MALSU1: variants seen among roughly 807,000 people sequenced by gnomAD.
MALSU1 encodes the protein mitochondrial assembly of ribosomal large subunit 1.
Under a neutral mutation model 22.1 loss-of-function variants are expected in MALSU1, and 22 were observed. The ratio of observed to expected loss-of-function variants is 1.00; its 90% CI spans 0.71 to 1.42. MALSU1 has a LOEUF of 1.42. Among genes scored for constraint, MALSU1 ranks in the 40% most tolerant of loss-of-function variants. The probability of loss-of-function intolerance (pLI) is 0.00; values close to 1 mark genes in which losing one functional copy is unlikely to be tolerated. For missense variants in MALSU1, 379 were observed against 308.3 expected (o/e 1.23, Z -1.72); for synonymous variants, 153 against 118.5 (o/e 1.29, Z -1.89).
Position 23,309,487 on chromosome 7 carries a change from C to G in MALSU1, c.649C>G (p.Leu217Val). 1 of 1,612,760 alleles carries G rather than the reference C, an allele frequency of 6.2e-7. No homozygotes were observed. ...TGAGACAGTACCTGAAGACTTCATT[C>G]TTGGAATAGAAGATGATACTTCATC... ...APETVPEDFI[L>V]GIEDDTSSVT... The change falls in exon 4 of 4, where the codon CTT (leucine) becomes GTT (valine). Residue 217 changes from leucine to valine, a missense_variant. Leu to Val is a conservative substitution (Grantham distance 32). Coordinates refer to ENST00000466681, the MANE Select transcript of MALSU1 (RefSeq NM_138446.2).
At chr7:23,299,738 C>G in intron 1 of MALSU1, 130 bp downstream of exon 1, 1 of 1,086,340 alleles carries the variant, frequency 9.2e-7, no homozygotes, top group Non-Finnish European at 1.3e-6. Flanking sequence ...ACATCCAGAG[C>G]TGGAAGGGAC....
At position 23,310,724 on chromosome 7, in the gene MALSU1, A is replaced by C. The variant is rs1374234705; in HGVS notation, c.*1181A>C. 1 of 152,236 alleles carries C rather than the reference A, an allele frequency of 6.6e-6. No individual in the cohort carries two copies. The allele number at this position is 152,236 out of a possible 1,614,324, so 9.4% of individuals were successfully genotyped here. On this transcript the variant is annotated 3_prime_UTR_variant, in exon 4 of 4. Transcript: ENST00000466681. ...ACTTTAAATCATTTTCAAAATGTCT[A>C]ATTGATCTTCAGAAAAACATCTAGT...
In MALSU1 at chr7:23,300,174, A is replaced by G. The variant is rs554507611; in HGVS notation, c.256+566A>G. Among the ~76,000 whole-genome samples the G allele has an allele frequency of 7.9e-5, 12 of 152,296 alleles. No individual in the cohort carries two copies. The South Asian group carries it at 1.2e-3, about 16-fold the overall frequency. ...CGAGCTTTTAAATTTACAGCCTGTA[A>G]TACTCCAAGCTGAAGATCAGAATAT... On this transcript the variant is annotated intron_variant, in intron 1 of 3. Coordinates refer to ENST00000466681, the MANE Select transcript of MALSU1 (RefSeq NM_138446.2).
intron 1 of MALSU1, 80 bp downstream of exon 1, chr7:23,299,688 C>T (rs1477784592): frequency 6.9e-6 from 10 of 1,444,122 alleles, no homozygotes; most frequent in Non-Finnish European, 9.3e-6. Flanking sequence ...CTCTGGGTTC[C>T]CCTCTATGTG....
In MALSU1 at chr7:23,309,622, T is replaced by C. The variant is rs537757141; in HGVS notation, c.*79T>C. 1.7e-6 allele frequency: 2 copies of C among 1,198,524 alleles called. No individual in the cohort carries two copies. Among genetic ancestry groups the C allele is most frequent in the South Asian group, 3.1e-5 (2 of 64,560 alleles). The allele number at this position is 1,198,524 out of a possible 1,614,324, so 74.2% of individuals were successfully genotyped here. On this transcript the variant is annotated 3_prime_UTR_variant, in exon 4 of 4. Coordinates refer to ENST00000466681, the MANE Select transcript of MALSU1 (RefSeq NM_138446.2). ...GAAAATACAGCTCCTAAAGTCCGTC[T>C]CCTTGGTTAGGCTGCTCTTAGGACA...
At chr7:23,307,709 A>C in intron 2 of MALSU1, 159 bp from the exon 3 acceptor site, 1 of 567,858 alleles carries the variant, frequency 1.8e-6, no homozygotes, top group South Asian at 2.4e-5. Flanking sequence ...AGGGAGAAAT[A>C]GTTTCCCTAA....
At chr7:23,309,138 T>C (rs962466502) in intron 3 of MALSU1, among the ~76,000 whole-genome samples, 1 of 152,174 alleles carries the variant, frequency 6.6e-6, no homozygotes, top group African/African-American at 2.4e-5. Context: ...TCACCAGCAA[T>C]GTTATATATT....
At chr7:23,304,683 G>C (rs189339932) in intron 2 of MALSU1, among the ~76,000 whole-genome samples, 1 of 152,080 alleles carries the variant, frequency 6.6e-6, no homozygotes, top group South Asian at 2.1e-4. Context: ...AAAGTAGAAT[G>C]GTAGGAGTTA....
At chr7:23,306,441 T>A (rs549829942) in intron 2 of MALSU1, among the ~76,000 whole-genome samples, 46 of 151,978 alleles carry the variant, frequency 3.0e-4, no homozygotes, top group African/African-American at 9.9e-4. Context: ...TTTTTTTTTT[T>A]ATTGACGAAT....
chr7:23,309,633 G>T lies in MALSU1; in HGVS notation c.*90G>T. On this transcript the variant is annotated 3_prime_UTR_variant, in exon 4 of 4. Coordinates refer to ENST00000466681, the MANE Select transcript of MALSU1 (RefSeq NM_138446.2). ...TCCTAAAGTCCGTCTCCTTGGTTAG[G>T]CTGCTCTTAGGACAAGGCTTGTGTA... The T allele has an allele frequency of 2.8e-6, 3 of 1,061,784 alleles. No homozygotes were observed. The highest frequency in any genetic ancestry group is 4.0e-6 in the Non-Finnish European group (3 of 753,578). 65.8% of individuals were successfully genotyped at this position (1,061,784 alleles called of 1,614,324 possible). A position where few individuals can be genotyped will look rare whatever the true frequency, so the allele number is the denominator to read the frequency against.
chr7:23,306,922 A>G (rs774114283), intron 2 of MALSU1, among the ~76,000 whole-genome samples: 10 of 152,088 alleles, frequency 6.6e-5, no homozygotes, highest in Non-Finnish European at 1.0e-4. Context: ...CTGTTCTTCA[A>G]TTTTTTGGGG....
rs1456206672 is a variant in MALSU1 at position 23,299,538 on chromosome 7, C to G, written c.186C>G (p.His62Gln). ...CCCCAAACTTTGTCCGCGGCCTGCACAGCGAGCCTGGGCTGGAGGAGCGGG... is the reference window on the plus strand; with the variant it reads ...CCCCAAACTTTGTCCGCGGCCTGCAGAGCGAGCCTGGGCTGGAGGAGCGGG... ...CQTPNFVRGL[H>Q]SEPGLEERAE... is the part of the protein sequence containing the mutation. The change falls in exon 1 of 4, where the codon CAC becomes CAG. Residue 62 changes from histidine to glutamine, a missense_variant. Physicochemically the swap from His to Gln is conservative, Grantham distance 24. Coordinates refer to ENST00000466681, the MANE Select transcript of MALSU1 (RefSeq NM_138446.2). 2.5e-6 allele frequency: 4 copies of G among 1,612,424 alleles called. No individual in the cohort carries two copies. The highest frequency in any genetic ancestry group is 3.4e-6 in the Non-Finnish European group (4 of 1,179,612).
intron 2 of MALSU1, among the ~76,000 whole-genome samples, chr7:23,303,450 C>T (rs1583859196): frequency 6.6e-6 from 1 of 152,128 alleles, no homozygotes; most frequent in South Asian, 2.1e-4. Context: ...ACTTAGATTG[C>T]TTCCACCTTT....
Position 23,307,256 on chromosome 7 carries a change from C to T in MALSU1, c.436-612C>T, listed in dbSNP as rs147055889. ...TTCTTAGTCATTCTAAGAACCAAAT[C>T]CTAGTTTCATTGATTTTGTCTTTTT... On this transcript the variant is annotated intron_variant, in intron 2 of 3. Coordinates refer to ENST00000466681, the MANE Select transcript of MALSU1 (RefSeq NM_138446.2). 3.7e-3 allele frequency among the ~76,000 whole-genome samples: 563 copies of T among 152,218 alleles called. 5 individuals are homozygous for T. The highest frequency in any genetic ancestry group is 0.013 in the African/African-American group (539 of 41,538).
rs1438467934 is a variant in MALSU1 at position 23,309,274 on chromosome 7, G to GAGTT, written c.518-79_518-76dup. On this transcript the variant is annotated intron_variant, in intron 3 of 3. Transcript: ENST00000466681. ...CTTGAGAACCACTGCTTTATTCCTAGAGTTAGCCAGTGTGTGTTGTAAGGT... is the reference window on the plus strand; with the variant it reads ...CTTGAGAACCACTGCTTTATTCCTAGAGTTAGTTAGCCAGTGTGTGTTGTAAGGT... The GAGTT allele has an allele frequency of 1.9e-5, 24 of 1,276,074 alleles. No individual in the cohort carries two copies. In the East Asian group the frequency reaches 4.2e-4, roughly 23 times the overall value. 79.0% of individuals were successfully genotyped at this position (1,276,074 alleles called of 1,614,324 possible).
Position 23,299,589 on chromosome 7 carries a change from C to T in MALSU1, c.237C>T (p.Arg79=). ...CGGAGGGGACGGTCAACGAGGGACG[C>T]CCAGAATCGGACGCGGCAGGTACGG... ...ERAEGTVNEG[R]PESDAADHTG... is the part of the protein sequence containing the mutation. Residue 79 remains arginine, a synonymous_variant, in exon 1 of 4, where the codon CGC becomes CGT. Transcript: ENST00000466681. 1 of 1,594,328 alleles carries T rather than the reference C, an allele frequency of 6.3e-7. No individual in the cohort carries two copies. The highest frequency in any genetic ancestry group is 8.5e-7 in the Non-Finnish European group (1 of 1,170,840).
At chr7:23,309,334 A>ATCTC in intron 3 of MALSU1, 22 bp from the exon 4 acceptor site, 1 of 1,587,094 alleles carries the variant, frequency 6.3e-7, no homozygotes, top group Non-Finnish European at 8.6e-7. Context: ...CCTTCATTGT[A>ATCTC]TCTCTTATCT....
chr7:23,300,076 T>G (rs1783620922), intron 1 of MALSU1, among the ~76,000 whole-genome samples: 1 of 152,098 alleles, frequency 6.6e-6, no homozygotes, highest in African/African-American at 2.4e-5. Context: ...CATCTAAGAA[T>G]GTAGAGTATG....
At position 23,304,106 on chromosome 7, in the gene MALSU1, CAA is replaced by C. The variant is rs112453307; in HGVS notation, c.435+3102_435+3103del. 4.5e-5 allele frequency among the ~76,000 whole-genome samples: 6 copies of C among 133,824 alleles called. No individual in the cohort carries two copies. In the East Asian group the frequency reaches 6.3e-4, roughly 14 times the overall value. The allele number at this position is 133,824 out of a possible 152,430, so 87.8% of individuals were successfully genotyped here. ...GGGCAACAAGAGCGAAACTCAGTCT[CAA>C]AAAAAAAAAAAATTGTTTATGTCCT... On this transcript the variant is annotated intron_variant, in intron 2 of 3. Coordinates refer to ENST00000466681, the MANE Select transcript of MALSU1 (RefSeq NM_138446.2).
Sources: allele counts gnomAD v4.1 joint callset (sites outside exome capture counted in the v4.1 genomes callset), GRCh38; gene constraint gnomAD v4.1.1; transcripts MANE v1.5; gene names NCBI Gene and HGNC (gene_info 2026-07-23, HGNC 2026-07-21).